ATP6V0A1: variants seen among roughly 807,000 people sequenced by gnomAD.
ATP6V0A1 encodes ATPase H+ transporting V0 subunit a1.
ATP6V0A1 carries 43 observed loss-of-function variants against 105.4 expected under a neutral mutation model. That is an observed-to-expected ratio of 0.41 (90% CI 0.32 to 0.53). The LOEUF (loss-of-function observed/expected upper bound fraction) is 0.53. Among genes scored for constraint, ATP6V0A1 ranks in the 20% least tolerant of loss-of-function variants. The pLI, the probability that ATP6V0A1 is intolerant of heterozygous loss-of-function variation, is 0.30. For missense variants in ATP6V0A1, 676 were observed against 1,051.1 expected, an observed-to-expected ratio of 0.64 and a Z score of 4.93; for synonymous variants, 362 against 372.8, an observed-to-expected ratio of 0.97 and a Z score of 0.33.
intron 18 of ATP6V0A1, 84 bp from the exon 19 acceptor site, chr17:42,508,488 G>A: frequency 6.4e-7 from 1 of 1,563,978 alleles, no homozygotes; most frequent in Non-Finnish European, 8.8e-7. Flanking sequence ...TCCTCCCCAA[G>A]AAGCATTCAG....
At chr17:42,517,295 AC>A (rs2092669441) in intron 21 of ATP6V0A1, among the ~76,000 whole-genome samples, 1 of 151,790 alleles carries the variant, frequency 6.6e-6, no homozygotes, top group African/African-American at 2.4e-5. Context: ...AACAACAACA[AC>A]AACAACAACA....
intron 2 of ATP6V0A1, among the ~76,000 whole-genome samples, chr17:42,464,400 A>T (rs1040148237): frequency 3.4e-5 from 5 of 145,466 alleles, no homozygotes; most frequent in African/African-American, 7.6e-5. Flanking sequence ...GTGTGTTTGT[A>T]TTTTTTTTTT....
intron 10 of ATP6V0A1, among the ~76,000 whole-genome samples, chr17:42,489,289 C>A (rs2090410934): frequency 6.6e-6 from 1 of 151,834 alleles, no homozygotes; most frequent in Non-Finnish European, 1.5e-5. Flanking sequence ...TCACGTTGAC[C>A]AAGCTGGTGT....
intron 17 of ATP6V0A1, among the ~76,000 whole-genome samples, chr17:42,506,515 C>T (rs4411548): frequency 0.24 from 36,043 of 152,212 alleles, 4,552 homozygotes; most frequent in Non-Finnish European, 0.28. Flanking sequence ...GCCTCCTGCA[C>T]GCTACTCATG....
intron 15 of ATP6V0A1, 93 bp downstream of exon 15, chr17:42,499,135 A>G (rs1292739796): frequency 1.1e-6 from 1 of 927,472 alleles, no homozygotes; most frequent in Non-Finnish European, 1.7e-6. Flanking sequence ...GGGATTAATA[A>G]CTCAGAACCT....
At chr17:42,494,137 A>G (rs966655201) in intron 11 of ATP6V0A1, among the ~76,000 whole-genome samples, 197 bp from the exon 12 acceptor site, 21 of 151,648 alleles carry the variant, frequency 1.4e-4, no homozygotes, top group Middle Eastern at 3.4e-3. Context: ...CAGCTACTCA[A>G]GAGGCTGAGG....
chr17:42,491,232 A>G (rs1269480755), intron 11 of ATP6V0A1, among the ~76,000 whole-genome samples: 1 of 151,944 alleles, frequency 6.6e-6, no homozygotes. Flanking sequence ...GTTTCTTCTA[A>G]TGCCTCACTT....
intron 7 of ATP6V0A1, 99 bp downstream of exon 7, chr17:42,478,688 G>T: frequency 7.7e-7 from 1 of 1,291,624 alleles, no homozygotes; most frequent in East Asian, 2.9e-5. Context: ...CTTCCACAGA[G>T]GAGCCATTAT....
At chr17:42,517,857 C>CCA (rs1220625729) in intron 21 of ATP6V0A1, 1 of 152,188 alleles carries the variant, frequency 6.6e-6, no homozygotes, top group Non-Finnish European at 1.5e-5. Flanking sequence ...AAGGGCTGCC[C>CCA]CATTATACAA....
rs377231597 is a variant in ATP6V0A1, at chr17:42,500,719, G to A, written c.1692G>A (p.Lys564=). The change falls in exon 16 of 22, where the codon AAG becomes AAA. Residue 564 remains lysine (K), a synonymous_variant. Transcript: ENST00000343619. The part of the protein sequence containing the change: ...LSLFNHIYFK[K]PLNIYFGFIP... The stretch of plus-strand genomic sequence containing the variant: ...CTCTCCTTTTTAGCTATTTCAAGAA[G>A]CCCCTGAATATCTACTTTGGATTTA... The A allele has an allele frequency of 1.9e-6, 3 of 1,612,610 alleles. No individual in the cohort carries two copies. Among genetic ancestry groups the A allele is most frequent in the East Asian group, 2.2e-5 (1 of 44,888 alleles).
intron 11 of ATP6V0A1, among the ~76,000 whole-genome samples, 191 bp downstream of exon 11, chr17:42,490,828 A>T (rs1053622063): frequency 6.6e-6 from 1 of 152,132 alleles, no homozygotes; most frequent in African/African-American, 2.4e-5. Context: ...AGCTAGGACC[A>T]CAGGCGCACA....
rs1451023143 is a variant in ATP6V0A1, at chr17:42,500,722, C to T, written c.1695C>T (p.Pro565=). The T allele has an allele frequency of 6.2e-7, 1 of 1,613,132 alleles. No homozygotes were observed. The highest frequency in any genetic ancestry group is 8.5e-7 in the Non-Finnish European group (1 of 1,179,318). The change falls in exon 16 of 22, where the codon CCC becomes CCT. Residue 565 remains proline (P), a synonymous_variant. Coordinates refer to ENST00000343619, the MANE Select transcript of ATP6V0A1 (RefSeq NM_001130021.3). The part of the protein sequence containing the change: ...SLFNHIYFKK[P]LNIYFGFIPE... The stretch of plus-strand genomic sequence containing the variant: ...TCCTTTTTAGCTATTTCAAGAAGCC[C>T]CTGAATATCTACTTTGGATTTATTC...
intron 1 of ATP6V0A1, among the ~76,000 whole-genome samples, chr17:42,459,416 G>C (rs1422923351): frequency 6.6e-6 from 1 of 152,226 alleles, no homozygotes; most frequent in Non-Finnish European, 1.5e-5. Flanking sequence ...GCGCGGGGGC[G>C]CTGTAGTTGG....
intron 2 of ATP6V0A1, among the ~76,000 whole-genome samples, chr17:42,461,846 C>G (rs2086443146): frequency 6.6e-6 from 1 of 152,002 alleles, no homozygotes; most frequent in Non-Finnish European, 1.5e-5. Context: ...TGTCCCTCTG[C>G]TTAACATCTA....
intron 10 of ATP6V0A1, among the ~76,000 whole-genome samples, chr17:42,489,551 A>G (rs545957460): frequency 6.6e-5 from 10 of 152,268 alleles, no homozygotes; most frequent in Non-Finnish European, 1.5e-4. Context: ...GAATTGTGAG[A>G]TGTTCTGCAG....
intron 4 of ATP6V0A1, 86 bp from the exon 5 acceptor site, chr17:42,470,001 TGGC>T (rs2087675272): frequency 2.3e-6 from 3 of 1,279,082 alleles, no homozygotes; most frequent in Non-Finnish European, 3.2e-6. Flanking sequence ...ACTATCGGCT[TGGC>T]AACAGTTCTG....
intron 17 of ATP6V0A1, among the ~76,000 whole-genome samples, chr17:42,505,238 C>T (rs1054748186): frequency 2.0e-5 from 3 of 151,354 alleles, no homozygotes; most frequent in Admixed American, 6.6e-5. Context: ...TAGAGTCTTG[C>T]CCTGTCGCCC....
intron 3 of ATP6V0A1, among the ~76,000 whole-genome samples, chr17:42,467,422 A>G (rs2087239416): frequency 6.6e-6 from 1 of 152,200 alleles, no homozygotes. Flanking sequence ...TTAGCTGATA[A>G]GTGAATTTGG....
chr17:42,489,301 G>T lies in ATP6V0A1; in HGVS notation c.1024-1186G>T, dbSNP rs991615168. On this transcript the variant is annotated intron_variant, in intron 10 of 21. Transcript: ENST00000343619. The stretch of plus-strand genomic sequence containing the variant: ...TCATCACGTTGACCAAGCTGGTGTC[G>T]AACTCCTGACCTCAGGTGATCCACC... Among the ~76,000 whole-genome samples, 4 of 151,818 alleles carry T rather than the reference G, an allele frequency of 2.6e-5. No homozygotes were observed. The South Asian group carries it at 8.3e-4, about 32-fold the overall frequency.
Sources: allele counts gnomAD v4.1 joint callset (sites outside exome capture counted in the v4.1 genomes callset), GRCh38; gene constraint gnomAD v4.1.1; transcripts MANE v1.5; gene names NCBI Gene and HGNC (gene_info 2026-07-23, HGNC 2026-07-21).